Variants in TRAK1 observed in about 807,000 individuals in gnomAD.
TRAK1 encodes trafficking kinesin protein 1.
A neutral mutation model predicts 92.1 loss-of-function variants in TRAK1; 33 were observed. That is an observed-to-expected ratio of 0.36 (90% CI 0.27 to 0.48). TRAK1 has a LOEUF of 0.48. TRAK1 is among the 20% of genes least tolerant of loss of function. The pLI is 0.99. For missense variants in TRAK1, 1,123 were observed against 1,257.9 expected (o/e 0.89, Z 1.62); for synonymous variants, 521 against 517.3 (o/e 1.01, Z -0.10).
At chr3:42,136,229 C>T (rs751200845) in intron 2 of TRAK1, among the ~76,000 whole-genome samples, 1 of 152,168 alleles carries the variant, frequency 6.6e-6, no homozygotes, top group Non-Finnish European at 1.5e-5. Flanking sequence ...AGTGAGGAAG[C>T]AGGCATGTGT....
At chr3:42,037,194 G>A (rs745386840) in intron 1 of TRAK1, among the ~76,000 whole-genome samples, 1 of 152,198 alleles carries the variant, frequency 6.6e-6, no homozygotes, top group Non-Finnish European at 1.5e-5. Context: ...TATTGTTGTA[G>A]TGTGATACCA....
intron 2 of TRAK1, among the ~76,000 whole-genome samples, chr3:42,155,786 C>A (rs1462808528): frequency 6.6e-6 from 1 of 152,162 alleles, no homozygotes; most frequent in African/African-American, 2.4e-5. Context: ...GGTTTTTAAA[C>A]TTTAATTTTA....
chr3:42,026,987 AT>A (rs1286383396), intron 1 of TRAK1, among the ~76,000 whole-genome samples: 5 of 152,210 alleles, frequency 3.3e-5, no homozygotes, highest in Non-Finnish European at 7.3e-5. Context: ...ATGGGCTCTT[AT>A]GTGAATGTAA....
In TRAK1 at chr3:42,121,557, C is replaced by T. The variant is rs1404592990; in HGVS notation, c.92-3863C>T. ...TACAGGCGTGAGCCACTGCGCCTGG[C>T]CTCCTGGGGAATTCTTGAAGACTCT... On this transcript the variant is annotated intron_variant, in intron 1 of 15. Coordinates refer to ENST00000327628, the MANE Select transcript of TRAK1 (RefSeq NM_001042646.3). Among the ~76,000 whole-genome samples the T allele has an allele frequency of 2.0e-5, 3 of 151,654 alleles. No individual in the cohort carries two copies. In the East Asian group the frequency reaches 5.9e-4, roughly 30 times the overall value.
chr3:42,193,166 G>T lies in TRAK1; in HGVS notation c.861G>T (p.Leu287=). Residue 287 remains leucine (L), a synonymous_variant, in exon 8 of 16, where the codon CTG becomes CTT. Transcript: ENST00000327628. ...GCCAGCAAGAGGAGATCACACACCT[G>T]CTATCGCAAATAGTTGATTTGCAGA... The part of the protein sequence containing the change: ...AARQQEEITH[L]LSQIVDLQKK... 3.1e-6 allele frequency: 5 copies of T among 1,614,202 alleles called. No homozygotes were observed. The highest frequency in any genetic ancestry group is 2.2e-5 in the South Asian group (2 of 91,082).
chr3:42,032,880 C>T (rs970689453), intron 1 of TRAK1, among the ~76,000 whole-genome samples: 2 of 152,162 alleles, frequency 1.3e-5, no homozygotes, highest in East Asian at 1.9e-4. Flanking sequence ...CATGATTGCG[C>T]CACCTGCACT....
In TRAK1 at chr3:42,091,466, G is replaced by T; in HGVS notation, c.-4G>T. 6.2e-7 allele frequency: 1 copy of T among 1,613,354 alleles called. No individual in the cohort carries two copies. The highest frequency in any genetic ancestry group is 8.5e-7 in the Non-Finnish European group (1 of 1,179,700). ...TGAAGTGCCTTTGGAGTTTATGTCT[G>T]CACATGGCATTGGTTTTTCAATTCG... On this transcript the variant is annotated 5_prime_UTR_variant, in exon 1 of 16. Transcript: ENST00000327628.
upstream of TRAK1, among the ~76,000 whole-genome samples, chr3:42,083,984 T>C (rs891656605): frequency 1.2e-4 from 19 of 152,170 alleles, no homozygotes; most frequent in African/African-American, 4.3e-4. Flanking sequence ...GTCAGATTTT[T>C]ATCTAAATCT....
At chr3:42,091,607 G>A (rs1392773905) in intron 1 of TRAK1, 47 bp downstream of exon 1, 5 of 1,579,324 alleles carry the variant, frequency 3.2e-6, no homozygotes, top group Non-Finnish European at 8.6e-7. Context: ...TCTTTGTGGT[G>A]TGGTCGGAAA....
At chr3:42,119,778 T>C (rs930948114) in intron 1 of TRAK1, among the ~76,000 whole-genome samples, 3 of 152,088 alleles carry the variant, frequency 2.0e-5, no homozygotes, top group African/African-American at 7.2e-5. Flanking sequence ...AGTTTTTAGC[T>C]GGTTGGCCGT....
chr3:42,197,133 G>A (rs534687673), intron 10 of TRAK1, among the ~76,000 whole-genome samples: 1 of 152,004 alleles, frequency 6.6e-6, no homozygotes, highest in South Asian at 2.1e-4. Flanking sequence ...GACTTGCCTG[G>A]ATTGCCAGAG....
At chr3:42,176,695 G>A (rs1397579955) in intron 2 of TRAK1, 119 bp from the exon 3 acceptor site, 1 of 859,912 alleles carries the variant, frequency 1.2e-6, no homozygotes. Flanking sequence ...AACCCAGCGA[G>A]CCAGTGACCC....
chr3:42,192,721 G>T (rs73831703), intron 7 of TRAK1, among the ~76,000 whole-genome samples: 8,405 of 152,298 alleles, frequency 0.055, 227 homozygotes, highest in Middle Eastern at 0.075. Flanking sequence ...ATGTGAGGAT[G>T]TGGCTAGATG....
chr3:42,037,439 G>A (rs1253844741), intron 1 of TRAK1, among the ~76,000 whole-genome samples: 1 of 152,236 alleles, frequency 6.6e-6, no homozygotes, highest in South Asian at 2.1e-4. Context: ...CTAGAGAGGT[G>A]CCTGGCAAGT....
chr3:42,059,265 A>T (rs1276830566), intron 1 of TRAK1, among the ~76,000 whole-genome samples: 1 of 151,828 alleles, frequency 6.6e-6, no homozygotes, highest in Admixed American at 6.6e-5. Context: ...GGCTAATTTT[A>T]AAAAATTTTT....
intron 1 of TRAK1, among the ~76,000 whole-genome samples, chr3:42,054,167 C>T (rs1009573769): frequency 6.6e-6 from 1 of 152,192 alleles, no homozygotes; most frequent in Non-Finnish European, 1.5e-5. Context: ...CATTATTTAC[C>T]TGAATAACGA....
In TRAK1 at chr3:42,105,006, C is replaced by CA. The variant is rs567493345; in HGVS notation, c.91+13448dup. ...CGCTTTTGTTGCCCAGGCTGGAGTG[C>CA]AATGGCTCGGTCTTGGCTCACCGCA... On this transcript the variant is annotated intron_variant, in intron 1 of 15. Coordinates refer to ENST00000327628, the MANE Select transcript of TRAK1 (RefSeq NM_001042646.3). 7.5e-5 allele frequency among the ~76,000 whole-genome samples: 11 copies of CA among 147,212 alleles called. No individual in the cohort carries two copies. The South Asian group carries it at 2.1e-3, about 28-fold the overall frequency.
intron 1 of TRAK1, among the ~76,000 whole-genome samples, chr3:42,040,980 AC>A (rs1680993034): frequency 6.6e-6 from 1 of 151,790 alleles, no homozygotes; most frequent in Admixed American, 6.6e-5. Flanking sequence ...GCCCAGCCAC[AC>A]TGTGTTGGTT....
chr3:42,134,578 CTTTTTTTTTTTTTTTTT>C (rs547455969), intron 2 of TRAK1, among the ~76,000 whole-genome samples: 7 of 76,434 alleles, frequency 9.2e-5, no homozygotes, highest in African/African-American at 2.5e-4. Context: ...TGCCTGGTCT[CTTTTTTTTTTTTTTTTT>C]TTTTTTTTTG....
Sources: gnomAD v4.1 joint callset for allele counts (sites outside exome capture counted in the v4.1 genomes callset) on GRCh38, gnomAD v4.1.1 for gene constraint, MANE v1.5 for transcripts, NCBI Gene and HGNC (gene_info 2026-07-23, HGNC 2026-07-21) for gene names.